Variants in PAOX observed in about 807,000 individuals in gnomAD.
PAOX encodes peroxisomal N(1)-acetyl-spermine/spermidine oxidase.
A neutral mutation model predicts 39.0 loss-of-function variants in PAOX; 38 were observed. The observed-to-expected ratio is 0.97, with a 90% CI of 0.75 to 1.28. The LOEUF (loss-of-function observed/expected upper bound fraction) is 1.28. PAOX is among the 50% of genes most tolerant of loss of function. PAOX has a pLI of 0.00. For synonymous variants in PAOX, 311 were observed against 314.4 expected (o/e 0.99, Z 0.11); for missense variants, 667 against 685.7 (o/e 0.97, Z 0.30).
chr10:133,385,093 C>T (rs567950130), intron 4 of PAOX, among the ~76,000 whole-genome samples: 14 of 152,118 alleles, frequency 9.2e-5, no homozygotes, highest in Non-Finnish European at 1.3e-4. Flanking sequence ...GTCAGGAGTT[C>T]GAGACCAGCC....
At chr10:133,383,673 G>A (rs539846059) in intron 3 of PAOX, among the ~76,000 whole-genome samples, 4 of 152,142 alleles carry the variant, frequency 2.6e-5, no homozygotes, top group African/African-American at 9.6e-5. Flanking sequence ...GTGGGGAACA[G>A]AGGCTCACGC....
At chr10:133,381,803 T>G (rs1849391643) in intron 3 of PAOX, 144 bp downstream of exon 3, 1 of 823,666 alleles carries the variant, frequency 1.2e-6, no homozygotes, top group African/African-American at 1.7e-5. Context: ...GAAGGAATGA[T>G]TCTGTTATGT....
rs1421585166 is a variant in PAOX at position 133,382,653 on chromosome 10, G to T, written c.868+994G>T. Among the ~76,000 whole-genome samples the T allele has an allele frequency of 2.6e-5, 4 of 152,066 alleles. No individual in the cohort carries two copies. The East Asian group carries it at 7.7e-4, about 29-fold the overall frequency. ...AAAAATTAGCTGGGCATGGTGGCAG[G>T]CACCTGTAATTCCAGCTACTTGGGA... is the stretch of plus-strand genomic sequence containing the variant. On this transcript the variant is annotated intron_variant, in intron 3 of 6. Transcript: ENST00000278060.
chr10:133,383,218 G>A (rs1354049920), intron 3 of PAOX, among the ~76,000 whole-genome samples: 1 of 152,186 alleles, frequency 6.6e-6, no homozygotes, highest in Non-Finnish European at 1.5e-5. Flanking sequence ...TTGCCACGCA[G>A]TGTTTTCTTG....
Position 133,379,285 on chromosome 10 carries a change from C to A in PAOX, c.-32C>A. 1 of 1,210,302 alleles carries A rather than the reference C, an allele frequency of 8.3e-7. No homozygotes were observed. The highest frequency in any genetic ancestry group is 4.2e-5 in the South Asian group (1 of 23,702). The allele number at this position is 1,210,302 out of a possible 1,614,324, so 75.0% of individuals were successfully genotyped here. Reference sequence around the variant, plus strand: ...CCGAGAGCTCCAGACCTCCCGGCTACTCAGAAGCCCTCGGACTGCCCGGAC... The same window carrying A: ...CCGAGAGCTCCAGACCTCCCGGCTAATCAGAAGCCCTCGGACTGCCCGGAC... On this transcript the variant is annotated 5_prime_UTR_variant, in exon 1 of 7. Coordinates refer to ENST00000278060, the MANE Select transcript of PAOX (RefSeq NM_152911.4).
intron 6 of PAOX, chr10:133,390,789 T>C (rs774889819): frequency 1.1e-4 from 64 of 600,478 alleles, no homozygotes; most frequent in Non-Finnish European, 1.7e-4. Context: ...GATAAGGCTG[T>C]AGCTTTCTTC....
chr10:133,385,823 T>C (rs1002346094), intron 4 of PAOX, among the ~76,000 whole-genome samples: 1 of 152,012 alleles, frequency 6.6e-6, no homozygotes, highest in Non-Finnish European at 1.5e-5. Context: ...GACCTCGTGA[T>C]CCGCCCGCCT....
chr10:133,380,498 G>A lies in PAOX; in HGVS notation c.668+13G>A, dbSNP rs952161827. ...GCACCTTTTCTAAGTGCGTGCCTGAGCCCCTGCCCCGCCAGTCCTCCCACC... is the reference window on the plus strand; with the variant it reads ...GCACCTTTTCTAAGTGCGTGCCTGAACCCCTGCCCCGCCAGTCCTCCCACC... On this transcript the variant is annotated intron_variant, in intron 2 of 6. Transcript: ENST00000278060. The A allele has an allele frequency of 2.2e-5, 34 of 1,537,302 alleles. No individual in the cohort carries two copies. Among genetic ancestry groups the A allele is most frequent in the South Asian group, 4.9e-5 (4 of 80,912 alleles).
intron 6 of PAOX, chr10:133,390,926 G>A (rs888384511): frequency 1.4e-4 from 96 of 697,038 alleles, no homozygotes; most frequent in Non-Finnish European, 2.4e-4. Flanking sequence ...CCTGAGCTGC[G>A]GGGTGCAGTG....
At chr10:133,385,994 A>G (rs1284282280) in intron 4 of PAOX, among the ~76,000 whole-genome samples, 1 of 151,044 alleles carries the variant, frequency 6.6e-6, no homozygotes, top group African/African-American at 2.4e-5. Context: ...GAAGGGTGGC[A>G]GCAGTTTTGT....
intron 3 of PAOX, among the ~76,000 whole-genome samples, chr10:133,383,316 G>A (rs1213386556): frequency 6.6e-6 from 1 of 152,100 alleles, no homozygotes; most frequent in Non-Finnish European, 1.5e-5. Flanking sequence ...AAAAACACTT[G>A]TGTTGGCCAG....
intron 4 of PAOX, among the ~76,000 whole-genome samples, chr10:133,386,840 A>G (rs771637548): frequency 6.6e-5 from 10 of 152,216 alleles, no homozygotes; most frequent in Non-Finnish European, 1.5e-4. Context: ...CTCAAAAGTC[A>G]AGATGTAGTA....
intron 4 of PAOX, among the ~76,000 whole-genome samples, chr10:133,388,205 G>A (rs915559247): frequency 1.6e-4 from 24 of 152,150 alleles, no homozygotes; most frequent in African/African-American, 5.3e-4. Context: ...GTAGCTAACC[G>A]TGTATCATGG....
intron 3 of PAOX, 84 bp downstream of exon 3, chr10:133,381,743 T>A: frequency 7.1e-7 from 1 of 1,412,516 alleles, no homozygotes; most frequent in African/African-American, 1.4e-5. Flanking sequence ...CTGGGGCGTT[T>A]GCTTGTGTAC....
Position 133,380,313 on chromosome 10 carries a change from C to A in PAOX, c.496C>A (p.His166Asn). The A allele has an allele frequency of 6.2e-7, 1 of 1,612,910 alleles. No homozygotes were observed. The highest frequency in any genetic ancestry group is 8.5e-7 in the Non-Finnish European group (1 of 1,180,030). Reference sequence around the variant, plus strand: ...GTACCTCAAGAAGGAGATTGGCCAGCACGTGGCCGGCTGGACAGAGGATGA... The same window carrying A: ...GTACCTCAAGAAGGAGATTGGCCAGAACGTGGCCGGCTGGACAGAGGATGA... ...GEYLKKEIGQ[H>N]VAGWTEDEET... Residue 166 changes from histidine to asparagine, a missense_variant, in exon 2 of 7, where the codon CAC becomes AAC. Physicochemically the swap from His to Asn is moderately conservative, Grantham distance 68 (BLOSUM62 1). Transcript: ENST00000278060.
rs1377256921 is a variant in PAOX, at chr10:133,379,303, G to T, written c.-14G>T. The stretch of plus-strand genomic sequence containing the variant: ...CCGGCTACTCAGAAGCCCTCGGACT[G>T]CCCGGACCGCGCGATGGAGTCGACC... On this transcript the variant is annotated 5_prime_UTR_variant, in exon 1 of 7. Transcript: ENST00000278060. The T allele has an allele frequency of 1.1e-5, 13 of 1,214,320 alleles. No homozygotes were observed. In the East Asian group the frequency reaches 3.6e-4, roughly 34 times the overall value. The allele number at this position is 1,214,320 out of a possible 1,614,324, so 75.2% of individuals were successfully genotyped here.
At chr10:133,383,863 C>A in intron 3 of PAOX, 97 bp from the exon 4 acceptor site, 1 of 1,438,904 alleles carries the variant, frequency 6.9e-7, no homozygotes, top group Non-Finnish European at 9.4e-7. Flanking sequence ...GTAGGATAAA[C>A]ACCAGCAGGG....
At chr10:133,387,360 T>C (rs2133472476) in intron 4 of PAOX, among the ~76,000 whole-genome samples, 1 of 152,338 alleles carries the variant, frequency 6.6e-6, no homozygotes, top group South Asian at 2.1e-4. Context: ...AAAAATCAAA[T>C]TTATTAACAT....
rs778557624 is a variant in PAOX at position 133,380,451 on chromosome 10, AC to A, written c.636del (p.Val213CysfsTer20). 6.2e-7 allele frequency: 1 copy of A among 1,611,418 alleles called. No homozygotes were observed. The highest frequency in any genetic ancestry group is 8.5e-7 in the Non-Finnish European group (1 of 1,179,950). The part of the protein sequence containing the change: ...LVALAPFGEY[T>X]VLPGLDCTFS... ...GGCCCTGGCACCCTTTGGGGAGTAT[AC>A]CGTGCTGCCGGGGCTGGACTGCACC... On this transcript the variant is annotated frameshift_variant, in exon 2 of 7. Transcript: ENST00000278060. LOFTEE classifies it high-confidence loss of function.
Sources: gnomAD v4.1 joint callset for allele counts (sites outside exome capture counted in the v4.1 genomes callset) on GRCh38, gnomAD v4.1.1 for gene constraint, MANE v1.5 for transcripts, NCBI Gene and HGNC (gene_info 2026-07-23, HGNC 2026-07-21) for gene names.